The following FOCAD variants were observed in gnomAD, a reference collection of about 807,000 sequenced individuals.
FOCAD encodes the protein focadhesin, also known as KIAA1797.
Under a neutral mutation model 225.6 loss-of-function variants are expected in FOCAD, and 198 were observed. The observed-to-expected ratio is 0.88, with a 90% CI of 0.78 to 0.99. The LOEUF (loss-of-function observed/expected upper bound fraction) is 0.99. Ranked by LOEUF, FOCAD falls within the 50% of genes least tolerant of loss-of-function variation. The probability of loss-of-function intolerance (pLI) is 0.00; values close to 1 mark genes in which losing one functional copy is unlikely to be tolerated. For missense variants in FOCAD, 2,713 were observed against 2,123.6 expected, an observed-to-expected ratio of 1.28 and a Z score of -5.46; for synonymous variants, 897 against 755.0, an observed-to-expected ratio of 1.19 and a Z score of -3.08.
At chr9:20,869,038 G>A (rs1326789886) in intron 18 of FOCAD, among the ~76,000 whole-genome samples, 1 of 152,162 alleles carries the variant, frequency 6.6e-6, no homozygotes, top group Non-Finnish European at 1.5e-5. Flanking sequence ...AGCCTGGTCG[G>A]TGCTTCACCT....
intron 35 of FOCAD, among the ~76,000 whole-genome samples, chr9:20,955,543 A>G (rs1838059828): frequency 6.8e-6 from 1 of 146,016 alleles, no homozygotes; most frequent in South Asian, 2.1e-4. Context: ...TTTTTGCTAT[A>G]CCATGTGACA....
chr9:20,993,103 G>C (rs1277156141), intron 42 of FOCAD, 150 bp from the exon 43 acceptor site: 9 of 608,568 alleles, frequency 1.5e-5, no homozygotes, highest in Non-Finnish European at 2.6e-5. Context: ...TCCTCCACCT[G>C]GGGAAGGTAT....
chr9:20,718,823 G>T (rs534322495), intron 3 of FOCAD, among the ~76,000 whole-genome samples: 1 of 152,254 alleles, frequency 6.6e-6, no homozygotes, highest in South Asian at 2.1e-4. Flanking sequence ...TGCTTACACA[G>T]TCTTACCTGA....
At chr9:20,805,722 T>A (rs963029383) in intron 11 of FOCAD, among the ~76,000 whole-genome samples, 22 of 152,100 alleles carry the variant, frequency 1.4e-4, no homozygotes, top group African/African-American at 5.3e-4. Flanking sequence ...TCTTGATGGG[T>A]TCATTAAAAC....
chr9:20,669,035 C>T (rs967348910), intron 2 of FOCAD, among the ~76,000 whole-genome samples: 1 of 152,042 alleles, frequency 6.6e-6, no homozygotes, highest in African/African-American at 2.4e-5. Flanking sequence ...GTTTGGAGAC[C>T]GGAGGATGGA....
Position 20,800,068 on chromosome 9 carries a change from G to T in FOCAD, c.1455+10460G>T, listed in dbSNP as rs183840060. Among the ~76,000 whole-genome samples the T allele has an allele frequency of 2.8e-3, 423 of 152,166 alleles. 1 individual carries two copies. Among genetic ancestry groups the T allele is most frequent in the African/African-American group, 9.8e-3 (406 of 41,522 alleles). ...GTGGTGACAAAATCTCTCAGCATTT[G>T]CTTGTCTGTAAAGGATTTTATTTCT... On this transcript the variant is annotated intron_variant, in intron 11 of 43. Coordinates refer to ENST00000338382, the MANE Select transcript of FOCAD (RefSeq NM_001375567.1).
chr9:20,927,343 T>C (rs1259920826), intron 26 of FOCAD, among the ~76,000 whole-genome samples: 1 of 152,184 alleles, frequency 6.6e-6, no homozygotes, highest in East Asian at 1.9e-4. Context: ...TGCTCCCCAC[T>C]TCTTGTTTTT....
intron 10 of FOCAD, among the ~76,000 whole-genome samples, chr9:20,783,962 T>C (rs1819657416): frequency 6.6e-6 from 1 of 152,144 alleles, no homozygotes; most frequent in Non-Finnish European, 1.5e-5. Flanking sequence ...AAAAAGCATC[T>C]AAGGAATATT....
intron 37 of FOCAD, among the ~76,000 whole-genome samples, chr9:20,980,698 T>C (rs1209806227): frequency 6.6e-6 from 1 of 152,238 alleles, no homozygotes; most frequent in Non-Finnish European, 1.5e-5. Flanking sequence ...AAAAAGTTTT[T>C]GCCAGATTTT....
chr9:20,746,733 C>G (rs1268745691), intron 5 of FOCAD, among the ~76,000 whole-genome samples: 3 of 152,142 alleles, frequency 2.0e-5, no homozygotes, highest in Non-Finnish European at 1.5e-5. Context: ...AACATACAGT[C>G]CATATTCCAG....
At chr9:20,891,176 ATGT>A (rs1215600128) in intron 21 of FOCAD, among the ~76,000 whole-genome samples, 1 of 152,314 alleles carries the variant, frequency 6.6e-6, no homozygotes, top group Admixed American at 6.5e-5. Flanking sequence ...AACTTCATAA[ATGT>A]TGTGTGATTT....
At chr9:20,807,910 G>A (rs1393059853) in intron 11 of FOCAD, among the ~76,000 whole-genome samples, 1 of 152,036 alleles carries the variant, frequency 6.6e-6, no homozygotes, top group East Asian at 1.9e-4. Flanking sequence ...AATTAGCTAG[G>A]CATGGTGGTG....
At chr9:20,702,540 C>T (rs563320771) in intron 1 of FOCAD, among the ~76,000 whole-genome samples, 1 of 152,102 alleles carries the variant, frequency 6.6e-6, no homozygotes, top group Non-Finnish European at 1.5e-5. Flanking sequence ...TAATTTTGAC[C>T]TCTCCTTTCC....
chr9:20,797,136 G>C, intron 11 of FOCAD, among the ~76,000 whole-genome samples: 1 of 152,084 alleles, frequency 6.6e-6, no homozygotes, highest in Non-Finnish European at 1.5e-5. Flanking sequence ...TAGATGTGTG[G>C]CATTATTTCT....
At position 20,764,868 on chromosome 9, in the gene FOCAD, G is replaced by A. The variant is rs774993198; in HGVS notation, c.495-1G>A. 2 of 1,612,436 alleles carry A rather than the reference G, an allele frequency of 1.2e-6. No individual in the cohort carries two copies. The highest frequency in any genetic ancestry group is 2.2e-5 in the South Asian group (2 of 90,824). Reference sequence around the variant, plus strand: ...TGGCTAATGTATTTCATGTCTTATAGGTTAGAAGTTTCATGCATTCAAATA... The same window carrying A: ...TGGCTAATGTATTTCATGTCTTATAAGTTAGAAGTTTCATGCATTCAAATA... On this transcript the variant is annotated splice_acceptor_variant, in intron 6 of 43. Transcript: ENST00000338382. LOFTEE classifies it high-confidence loss of function.
At chr9:20,955,956 T>A (rs1421976701) in intron 35 of FOCAD, among the ~76,000 whole-genome samples, 2 of 152,208 alleles carry the variant, frequency 1.3e-5, no homozygotes, top group Non-Finnish European at 2.9e-5. Flanking sequence ...TGCTGGGGAA[T>A]GTGGCTAACA....
chr9:20,823,407 A>G (rs1824538824), intron 15 of FOCAD, among the ~76,000 whole-genome samples: 1 of 152,064 alleles, frequency 6.6e-6, no homozygotes, highest in Non-Finnish European at 1.5e-5. Context: ...TGCCTATAGG[A>G]GAACTCTAGA....
chr9:20,961,169 C>T (rs1308648602), intron 35 of FOCAD, among the ~76,000 whole-genome samples: 3 of 151,616 alleles, frequency 2.0e-5, no homozygotes, highest in Non-Finnish European at 2.9e-5. Context: ...CCCTCCCCTC[C>T]GCTCCCCTCC....
At chr9:20,731,324 TAAGGATATTACATG>T (rs1215877581) in intron 4 of FOCAD, among the ~76,000 whole-genome samples, 1 of 152,196 alleles carries the variant, frequency 6.6e-6, no homozygotes, top group Non-Finnish European at 1.5e-5. Context: ...CTTGATAATA[TAAGGATATTACATG>T]AATTTCATCT....
Sources: gnomAD v4.1 joint callset for allele counts (sites outside exome capture counted in the v4.1 genomes callset) on GRCh38, gnomAD v4.1.1 for gene constraint, MANE v1.5 for transcripts, NCBI Gene and HGNC (gene_info 2026-07-23, HGNC 2026-07-21) for gene names.